C7: variants seen among roughly 807,000 people sequenced by gnomAD.
C7 encodes the protein complement C7.
Under a neutral mutation model 104.8 loss-of-function variants are expected in C7, and 83 were observed. The observed-to-expected ratio is 0.79, with a 90% CI of 0.66 to 0.95. The LOEUF is 0.95. Ranked by LOEUF, C7 falls within the 40% of genes least tolerant of loss-of-function variation. The probability of loss-of-function intolerance (pLI) is 0.00; values close to 1 mark genes in which losing one functional copy is unlikely to be tolerated. For missense variants in C7, 1,070 were observed against 1,011.2 expected (o/e 1.06, Z -0.79); for synonymous variants, 415 against 360.6 (o/e 1.15, Z -1.71).
chr5:40,926,795 A>C (rs946300959), intron 1 of C7, among the ~76,000 whole-genome samples: 11 of 152,192 alleles, frequency 7.2e-5, no homozygotes, highest in Non-Finnish European at 1.0e-4. Context: ...CATGGATTAG[A>C]AGAAAATATT....
At position 40,964,893 on chromosome 5, in the gene C7, T is replaced by C. The variant is rs921063058; in HGVS notation, c.1882+20T>C. ...GTCAGAGTGAGTGGCGTCAGTTGTA[T>C]ATAATTTAAGATGAGAAAATTACGT... is the stretch of plus-strand genomic sequence containing the variant. On this transcript the variant is annotated intron_variant, in intron 14 of 17. Transcript: ENST00000313164. The C allele has an allele frequency of 6.2e-7, 1 of 1,612,616 alleles. No individual in the cohort carries two copies. Among genetic ancestry groups the C allele is most frequent in the Admixed American group, 1.7e-5 (1 of 59,790 alleles).
rs1324430486 is a variant in C7, at chr5:40,959,577, A to G, written c.1618A>G (p.Thr540Ala). 22 of 1,608,580 alleles carry G rather than the reference A, an allele frequency of 1.4e-5. No individual in the cohort carries two copies. The highest frequency in any genetic ancestry group is 1.9e-5 in the Non-Finnish European group (22 of 1,178,312). ...GGGRSCVGET[T>A]ESTQCEDEEL... ...TGGGAGATCCTGCGTTGGAGAAACGACAGAAAGCACACAATGCGAAGATGA... is the reference window on the plus strand; with the variant it reads ...TGGGAGATCCTGCGTTGGAGAAACGGCAGAAAGCACACAATGCGAAGATGA... Residue 540 changes from threonine (T) to alanine (A), a missense_variant, in exon 12 of 18, where the codon ACA (threonine) becomes GCA (alanine). Transcript: ENST00000313164.
chr5:40,942,759 T>C (rs1030142280), intron 6 of C7, among the ~76,000 whole-genome samples: 3 of 150,612 alleles, frequency 2.0e-5, no homozygotes, highest in African/African-American at 7.4e-5. Context: ...TGTGCGATTT[T>C]CTTTCTTTCT....
At chr5:40,966,029 GCTGT>G (rs749247042) in intron 14 of C7, among the ~76,000 whole-genome samples, 65 of 152,064 alleles carry the variant, frequency 4.3e-4, no homozygotes, top group Non-Finnish European at 6.9e-4. Context: ...TGGAGAAATG[GCTGT>G]CTATGTCTTT....
At chr5:40,909,870 T>C (rs377586073) in intron 1 of C7, among the ~76,000 whole-genome samples, 1 of 152,106 alleles carries the variant, frequency 6.6e-6, no homozygotes, top group African/African-American at 2.4e-5. Context: ...TCCAGAGGTC[T>C]GGGAATCAGG....
intron 10 of C7, among the ~76,000 whole-genome samples, chr5:40,956,675 A>T (rs1740297087): frequency 6.6e-6 from 1 of 152,290 alleles, no homozygotes; most frequent in Non-Finnish European, 1.5e-5. Flanking sequence ...TCAATGTTCC[A>T]GGCAAAGCCT....
chr5:40,947,521 G>A, intron 7 of C7, 81 bp from the exon 8 acceptor site: 1 of 1,448,108 alleles, frequency 6.9e-7, no homozygotes, highest in Non-Finnish European at 9.5e-7. Context: ...GAGAGCTGAT[G>A]AAGGTATTGA....
intron 2 of C7, among the ~76,000 whole-genome samples, 166 bp downstream of exon 2, chr5:40,928,801 AATT>A (rs1277320717): frequency 6.6e-6 from 1 of 152,186 alleles, no homozygotes; most frequent in African/African-American, 2.4e-5. Flanking sequence ...ATGTGTTTTT[AATT>A]ATTATTCTTT....
intron 6 of C7, among the ~76,000 whole-genome samples, chr5:40,938,411 T>C (rs1739861214): frequency 6.6e-6 from 1 of 152,224 alleles, no homozygotes; most frequent in African/African-American, 2.4e-5. Flanking sequence ...GGATTTGAGA[T>C]TTACTCATGC....
At chr5:40,952,898 T>TGCA in intron 9 of C7, among the ~76,000 whole-genome samples, 1 of 152,286 alleles carries the variant, frequency 6.6e-6, no homozygotes, top group East Asian at 1.9e-4. Context: ...TCTGCAGTTC[T>TGCA]TACATAGGTG....
At chr5:40,977,035 T>C (rs1483891083) in intron 16 of C7, among the ~76,000 whole-genome samples, 195 bp downstream of exon 16, 1 of 152,344 alleles carries the variant, frequency 6.6e-6, no homozygotes, top group Admixed American at 6.5e-5. Context: ...CATTAAGCAG[T>C]GTTCTAATCT....
At chr5:40,912,626 C>T (rs982996427) in intron 1 of C7, among the ~76,000 whole-genome samples, 21 of 152,024 alleles carry the variant, frequency 1.4e-4, no homozygotes, top group African/African-American at 5.1e-4. Flanking sequence ...CCCCAAATGC[C>T]AGGATTACAG....
At chr5:40,918,005 T>G (rs1437977313) in intron 1 of C7, among the ~76,000 whole-genome samples, 2 of 152,194 alleles carry the variant, frequency 1.3e-5, no homozygotes, top group Admixed American at 1.3e-4. Context: ...TAAGCTGTTG[T>G]GATTATAAGA....
chr5:40,922,427 C>T (rs146591778), intron 1 of C7, among the ~76,000 whole-genome samples: 1,251 of 124,074 alleles, frequency 0.01, 10 homozygotes, highest in Non-Finnish European at 0.016. Context: ...GGGGCTTGGG[C>T]GCAGTGGCTC....
At position 40,945,260 on chromosome 5, in the gene C7, TACGTCGACAGA is replaced by T. The variant is rs770367814; in HGVS notation, c.633_643del (p.Ser212HisfsTer4). ...ATAGTACTTGGTCTTATGTAAAACA[TACGTCGACAGA>T]ACACACATCATCTAGTCGGAAGCGC... On this transcript the variant is annotated frameshift_variant, in exon 7 of 18. Transcript: ENST00000313164. LOFTEE classifies it high-confidence loss of function. The T allele has an allele frequency of 7.8e-5, 123 of 1,579,356 alleles. No individual in the cohort carries two copies. Among genetic ancestry groups the T allele is most frequent in the Non-Finnish European group, 9.8e-5 (113 of 1,158,882 alleles).
chr5:40,968,590 ATATATATATATTTTTTTTTTTTT>A (rs1388682245), intron 14 of C7, among the ~76,000 whole-genome samples: 3,285 of 42,468 alleles, frequency 0.077, 29 homozygotes, highest in African/African-American at 0.2. Flanking sequence ...ATATATATAT[ATATATATATATTTTTTTTTTTTT>A]TTTTTTTTTT....
chr5:40,978,204 C>T (rs998693279), intron 16 of C7, among the ~76,000 whole-genome samples: 4 of 149,338 alleles, frequency 2.7e-5, no homozygotes, highest in Non-Finnish European at 5.9e-5. Flanking sequence ...TTTTGGTTAT[C>T]AAAACCGATA....
chr5:40,910,540 A>G (rs1033939167), intron 1 of C7, among the ~76,000 whole-genome samples: 4 of 152,174 alleles, frequency 2.6e-5, no homozygotes, highest in African/African-American at 9.7e-5. Context: ...TTAAAATTAA[A>G]CACAAATAAC....
At chr5:40,941,062 CT>C (rs35003828) in intron 6 of C7, among the ~76,000 whole-genome samples, 280 of 138,812 alleles carry the variant, frequency 2.0e-3, no homozygotes, top group Middle Eastern at 0.011. Flanking sequence ...AGGAACACTT[CT>C]TTTTTTTTTT....
Sources: allele counts gnomAD v4.1 joint callset (sites outside exome capture counted in the v4.1 genomes callset), GRCh38; gene constraint gnomAD v4.1.1; transcripts MANE v1.5; gene names NCBI Gene and HGNC (gene_info 2026-07-23, HGNC 2026-07-21).